DCC: variants seen among roughly 807,000 people sequenced by gnomAD.
The protein encoded by DCC is DCC netrin 1 receptor.
In DCC, 58 loss-of-function variants were observed where a neutral mutation model predicts 172.5. The ratio of observed to expected loss-of-function variants is 0.34; its 90% CI spans 0.27 to 0.42. DCC has a LOEUF of 0.42. Ranked by LOEUF, DCC falls within the 10% of genes least tolerant of loss-of-function variation. DCC has a pLI of 1.00. For synonymous variants in DCC, 709 were observed against 644.5 expected (o/e 1.10, Z -1.52); for missense variants, 1,740 against 1,791.0 (o/e 0.97, Z 0.51).
chr18:53,246,539 T>C (rs1266034111), intron 12 of DCC, among the ~76,000 whole-genome samples: 1 of 150,750 alleles, frequency 6.6e-6, no homozygotes, highest in Non-Finnish European at 1.5e-5. Flanking sequence ...AAAAAACAGG[T>C]GAATTAAAAG....
chr18:53,422,548 C>T (rs1910690520), intron 21 of DCC, among the ~76,000 whole-genome samples: 1 of 152,260 alleles, frequency 6.6e-6, no homozygotes, highest in South Asian at 2.1e-4. Flanking sequence ...CATAAGTTCA[C>T]CTAGTTTAAA....
chr18:52,490,278 G>A (rs907706872), intron 1 of DCC, among the ~76,000 whole-genome samples: 2 of 152,074 alleles, frequency 1.3e-5, no homozygotes, highest in Admixed American at 1.3e-4. Context: ...AAATAAAATA[G>A]GAAGTTTTCC....
chr18:53,183,494 C>T (rs143166293), intron 9 of DCC, among the ~76,000 whole-genome samples: 134 of 152,150 alleles, frequency 8.8e-4, no homozygotes, highest in African/African-American at 3.1e-3. Context: ...ATTTGCAGTC[C>T]TTTAAGATCC....
intron 2 of DCC, among the ~76,000 whole-genome samples, chr18:52,884,169 G>C (rs2039535999): frequency 6.6e-6 from 1 of 151,774 alleles, no homozygotes; most frequent in South Asian, 2.1e-4. Flanking sequence ...GCTTCCTTGA[G>C]GTAGTCTTCT....
intron 2 of DCC, among the ~76,000 whole-genome samples, chr18:52,797,944 T>C (rs2037908383): frequency 6.7e-6 from 1 of 150,346 alleles, no homozygotes; most frequent in African/African-American, 2.4e-5. Flanking sequence ...AGGCCTGTTC[T>C]CAGGCACCAC....
At chr18:53,329,063 G>A (rs373910126) in intron 14 of DCC, among the ~76,000 whole-genome samples, 1 of 152,064 alleles carries the variant, frequency 6.6e-6, no homozygotes, top group Admixed American at 6.6e-5. Context: ...ATTTAATGGG[G>A]CATCATATAA....
chr18:53,040,443 T>C (rs764847256), intron 5 of DCC, among the ~76,000 whole-genome samples: 41 of 152,094 alleles, frequency 2.7e-4, no homozygotes, highest in South Asian at 2.7e-3. Context: ...TTAAAATGTG[T>C]ATTCCTGAGT....
intron 1 of DCC, among the ~76,000 whole-genome samples, chr18:52,505,506 C>T (rs921433835): frequency 6.6e-6 from 1 of 152,082 alleles, no homozygotes; most frequent in African/African-American, 2.4e-5. Flanking sequence ...ATTGAATCTT[C>T]GCTAAACGGC....
chr18:52,841,633 C>T (rs1299568615), intron 2 of DCC, among the ~76,000 whole-genome samples: 1 of 151,970 alleles, frequency 6.6e-6, no homozygotes, highest in African/African-American at 2.4e-5. Flanking sequence ...AAAAGGCTGT[C>T]TGAAAAAAAA....
At chr18:53,009,385 A>C (rs2041693877) in intron 5 of DCC, among the ~76,000 whole-genome samples, 1 of 151,940 alleles carries the variant, frequency 6.6e-6, no homozygotes, top group Non-Finnish European at 1.5e-5. Flanking sequence ...TGGCATTACC[A>C]TTGGAAGCCT....
At chr18:53,289,212 A>G (rs907629925) in intron 12 of DCC, among the ~76,000 whole-genome samples, 5 of 152,178 alleles carry the variant, frequency 3.3e-5, no homozygotes, top group African/African-American at 4.8e-5. Flanking sequence ...AATTCGCAAT[A>G]TAGGCTCAAG....
At position 53,534,604 on chromosome 18, in the gene DCC, G is replaced by A. The variant is rs1333523091; in HGVS notation, c.*3951G>A. The A allele has an allele frequency of 1.3e-5, 2 of 152,174 alleles. No individual in the cohort carries two copies. The highest frequency in any genetic ancestry group is 2.1e-4 in the South Asian group (1 of 4,828). The allele number at this position is 152,174 out of a possible 1,614,324, so 9.4% of individuals were successfully genotyped here. On this transcript the variant is annotated 3_prime_UTR_variant, in exon 29 of 29. Coordinates refer to ENST00000442544, the MANE Select transcript of DCC (RefSeq NM_005215.4). ...CAGAAAAGCTTTTTATTTGAGTCTA[G>A]TGTTTAAAATTAAATTGGATACTTG...
At chr18:52,512,949 G>A (rs1368690078) in intron 1 of DCC, among the ~76,000 whole-genome samples, 1 of 152,140 alleles carries the variant, frequency 6.6e-6, no homozygotes, top group Non-Finnish European at 1.5e-5. Flanking sequence ...GCCTCAGGGT[G>A]GAGAGAAGAA....
rs925929089 is a variant in DCC, at chr18:53,534,393, C to A, written c.*3740C>A. ...TTCCCTTCATGCAACCACAGGCAGT[C>A]CTGCAGGCCAGAGGTTACTATCCTA... On this transcript the variant is annotated 3_prime_UTR_variant, in exon 29 of 29. Coordinates refer to ENST00000442544, the MANE Select transcript of DCC (RefSeq NM_005215.4). The A allele has an allele frequency of 6.6e-6, 1 of 152,248 alleles. No homozygotes were observed. Among genetic ancestry groups the A allele is most frequent in the African/African-American group, 2.4e-5 (1 of 41,456 alleles). The allele number at this position is 152,248 out of a possible 1,614,324, so 9.4% of individuals were successfully genotyped here. A position where few individuals can be genotyped will look rare whatever the true frequency, so the allele number is the denominator to read the frequency against.
At chr18:53,183,292 A>T (rs149107554) in intron 9 of DCC, among the ~76,000 whole-genome samples, 13 of 152,270 alleles carry the variant, frequency 8.5e-5, no homozygotes, top group Non-Finnish European at 1.0e-4. Context: ...AATTGCTCGA[A>T]ATAGAAAGGC....
intron 2 of DCC, among the ~76,000 whole-genome samples, chr18:52,896,028 G>A (rs144015471): frequency 1.3e-5 from 2 of 151,980 alleles, no homozygotes; most frequent in Non-Finnish European, 2.9e-5. Context: ...CAGGTGATTC[G>A]CCTGCTTAGG....
chr18:52,589,257 G>A (rs990660507), intron 1 of DCC, among the ~76,000 whole-genome samples: 4 of 152,164 alleles, frequency 2.6e-5, no homozygotes, highest in Non-Finnish European at 5.9e-5. Context: ...ATACTTCAGA[G>A]AAAATATAGT....
intron 15 of DCC, among the ~76,000 whole-genome samples, chr18:53,368,018 C>G (rs748663127): frequency 3.3e-5 from 5 of 152,114 alleles, no homozygotes; most frequent in Admixed American, 6.6e-5. Flanking sequence ...TTTTTCATAG[C>G]AGTTGTACTA....
intron 17 of DCC, among the ~76,000 whole-genome samples, chr18:53,393,168 C>A (rs1180559175): frequency 6.6e-6 from 1 of 152,122 alleles, no homozygotes; most frequent in East Asian, 1.9e-4. Context: ...TTTTTTAACC[C>A]CAATCCTGGA....
Sources: allele counts gnomAD v4.1 joint callset (sites outside exome capture counted in the v4.1 genomes callset), GRCh38; gene constraint gnomAD v4.1.1; transcripts MANE v1.5; gene names NCBI Gene and HGNC (gene_info 2026-07-23, HGNC 2026-07-21).